PDE6B: variants seen among roughly 807,000 people sequenced by gnomAD.
The protein encoded by PDE6B is phosphodiesterase 6B, also known as rod cGMP-specific 3',5'-cyclic phosphodiesterase subunit beta.
PDE6B carries 106 observed loss-of-function variants against 109.0 expected under a neutral mutation model. The observed-to-expected ratio is 0.97, with a 90% CI of 0.83 to 1.14. PDE6B has a LOEUF of 1.14. Ranked by LOEUF, PDE6B falls within the 50% of genes most tolerant of loss-of-function variation. The pLI is 0.00. For missense variants in PDE6B, 1,193 were observed against 1,155.6 expected (o/e 1.03, Z -0.47); for synonymous variants, 490 against 471.3 (o/e 1.04, Z -0.51).
At chr4:630,879 C>T (rs1577240467) in intron 1 of PDE6B, among the ~76,000 whole-genome samples, 2 of 152,188 alleles carry the variant, frequency 1.3e-5, no homozygotes, top group African/African-American at 4.8e-5. Flanking sequence ...GTGTATCTGG[C>T]ACAGGCCTGG....
intron 12 of PDE6B, chr4:661,190 CAGAT>C (rs1318848194): frequency 2.6e-5 from 4 of 153,266 alleles, no homozygotes; most frequent in Non-Finnish European, 5.8e-5. Context: ...GGGTGGACAG[CAGAT>C]GGATGGTGAA....
rs542287229 is a variant in PDE6B at position 648,625 on chromosome 4, T to C, written c.712-5227T>C. 1.8e-3 allele frequency among the ~76,000 whole-genome samples: 272 copies of C among 152,236 alleles called. No individual in the cohort carries two copies. Among genetic ancestry groups the C allele is most frequent in the Middle Eastern group, 0.017 (5 of 294 alleles). ...CCTGCCATTCCCTTTCTGAAAAGCC[T>C]CTCGGACACTCCCATCAGAGCCAAC... is the stretch of plus-strand genomic sequence containing the variant. On this transcript the variant is annotated intron_variant, in intron 3 of 21. Coordinates refer to ENST00000496514, the MANE Select transcript of PDE6B (RefSeq NM_000283.4). The surrounding 1 kb of genome is among the most constrained non-coding windows in gnomAD (Gnocchi z 4.5).
rs1738402333 is a variant in PDE6B at position 670,546 on chromosome 4, T to C, written c.*439T>C. Reference sequence around the variant, plus strand: ...CATGAGCCACCACGCCCAGCCTGTTTTTATAAACTGAAGCCAACTGTGAAT... The same window carrying C: ...CATGAGCCACCACGCCCAGCCTGTTCTTATAAACTGAAGCCAACTGTGAAT... On this transcript the variant is annotated 3_prime_UTR_variant, in exon 22 of 22. Coordinates refer to ENST00000496514, the MANE Select transcript of PDE6B (RefSeq NM_000283.4). 3 of 219,892 alleles carry C rather than the reference T, an allele frequency of 1.4e-5. No homozygotes were observed. The South Asian group carries it at 1.8e-4, about 13-fold the overall frequency. The allele number at this position is 219,892 out of a possible 1,614,324, so 13.6% of individuals were successfully genotyped here. A position where few individuals can be genotyped will look rare whatever the true frequency, so the allele number is the denominator to read the frequency against.
intron 12 of PDE6B, chr4:661,580 G>GA (rs529940525): frequency 1.2e-3 from 187 of 155,204 alleles, no homozygotes; most frequent in Admixed American, 3.9e-3. Flanking sequence ...AATACTAAGG[G>GA]AAAACACTCA....
intron 3 of PDE6B, among the ~76,000 whole-genome samples, chr4:639,136 T>C (rs1184209608): frequency 6.6e-6 from 1 of 151,414 alleles, no homozygotes; most frequent in Non-Finnish European, 1.5e-5. Flanking sequence ...CAGTTTTGTT[T>C]TTTTGGGGGG....
chr4:628,282 C>T (rs1734216696), intron 1 of PDE6B, among the ~76,000 whole-genome samples: 1 of 152,192 alleles, frequency 6.6e-6, no homozygotes, highest in African/African-American at 2.4e-5. Flanking sequence ...GGGACTGAGG[C>T]AGAGCACACC....
chr4:654,714 G>C, intron 5 of PDE6B, 110 bp from the exon 6 acceptor site: 2 of 787,718 alleles, frequency 2.5e-6, no homozygotes, highest in Non-Finnish European at 2.3e-6. Flanking sequence ...TACGTGTGTG[G>C]GGGTGTGCAT....
At chr4:657,315 A>G (rs1736397721) in intron 9 of PDE6B, 36 bp from the exon 10 acceptor site, 1 of 1,611,634 alleles carries the variant, frequency 6.2e-7, no homozygotes, top group Non-Finnish European at 8.5e-7. Context: ...GCGCGCCGGG[A>G]GCGCTGAGCG....
intron 2 of PDE6B, 21 bp downstream of exon 2, chr4:634,850 G>A: frequency 1.2e-6 from 2 of 1,611,444 alleles, no homozygotes; most frequent in South Asian, 1.1e-5. Context: ...GGGGCACCTG[G>A]GCAGCCGCGC....
chr4:647,844 G>A (rs949022962), intron 3 of PDE6B, among the ~76,000 whole-genome samples: 25 of 152,074 alleles, frequency 1.6e-4, no homozygotes, highest in Non-Finnish European at 3.1e-4. Flanking sequence ...AGGCTGAGGC[G>A]CGCAGATCAC....
At chr4:632,785 G>T (rs1308857827) in intron 1 of PDE6B, among the ~76,000 whole-genome samples, 1 of 149,958 alleles carries the variant, frequency 6.7e-6, no homozygotes, top group Non-Finnish European at 1.5e-5. Flanking sequence ...CACGTTGTGT[G>T]GATCTGCATG....
intron 21 of PDE6B, among the ~76,000 whole-genome samples, chr4:668,476 ATGCTGCTCCCACTAC>A (rs1436082286): frequency 7.8e-3 from 1,020 of 131,574 alleles, no homozygotes; most frequent in Middle Eastern, 0.015. Flanking sequence ...CCACTACCCC[ATGCTGCTCCCACTAC>A]CCCATGCTAT....
chr4:666,680 G>T lies in PDE6B; in HGVS notation c.2352+66G>T. 1 of 1,088,176 alleles carries T rather than the reference G, an allele frequency of 9.2e-7. No homozygotes were observed. Among genetic ancestry groups the T allele is most frequent in the Admixed American group, 1.7e-5 (1 of 58,882 alleles). 67.4% of individuals were successfully genotyped at this position (1,088,176 alleles called of 1,614,324 possible). On this transcript the variant is annotated intron_variant, in intron 20 of 21. Transcript: ENST00000496514. The surrounding 1 kb of genome is among the most constrained non-coding windows in gnomAD (Gnocchi z 5.6). Reference sequence around the variant, plus strand: ...TGGCTGGGAGCAGGCAAGGGGGCGCGGGCTGGAGTCGCGTGGACTCACACG... The same window carrying T: ...TGGCTGGGAGCAGGCAAGGGGGCGCTGGCTGGAGTCGCGTGGACTCACACG...
chr4:633,596 C>T lies in PDE6B; in HGVS notation c.469-1081C>T, dbSNP rs539447487. On this transcript the variant is annotated intron_variant, in intron 1 of 21. Coordinates refer to ENST00000496514, the MANE Select transcript of PDE6B (RefSeq NM_000283.4). The surrounding 1 kb of genome is among the most constrained non-coding windows in gnomAD (Gnocchi z 4.5). ...AGATGTGAGGCGCATCCCAGGAGCTCCCATTCAGCTGGCGCAGTGGCTGAG... is the reference window on the plus strand; with the variant it reads ...AGATGTGAGGCGCATCCCAGGAGCTTCCATTCAGCTGGCGCAGTGGCTGAG... Among the ~76,000 whole-genome samples the T allele has an allele frequency of 4.3e-4, 65 of 152,308 alleles. No homozygotes were observed. The highest frequency in any genetic ancestry group is 5.9e-4 in the Non-Finnish European group (40 of 68,020).
chr4:626,266 T>C lies in PDE6B; in HGVS notation c.468+172T>C, dbSNP rs1181383421. 6.6e-6 allele frequency among the ~76,000 whole-genome samples: 1 copy of C among 152,214 alleles called. No individual in the cohort carries two copies. Among genetic ancestry groups the C allele is most frequent in the Non-Finnish European group, 1.5e-5 (1 of 68,022 alleles). ...AGAGCCCCCTCCCGGCACTGTGCCC[T>C]GGCCGCCTGCCTCTCCGACTCGGCT... On this transcript the variant is annotated intron_variant, in intron 1 of 21. Transcript: ENST00000496514. This position sits in a 1 kb window ranked among gnomAD's most constrained non-coding sequence, Gnocchi z 4.6.
In PDE6B at chr4:636,701, A is replaced by G. The variant is rs1426151486; in HGVS notation, c.711+732A>G. On this transcript the variant is annotated intron_variant, in intron 3 of 21. Coordinates refer to ENST00000496514, the MANE Select transcript of PDE6B (RefSeq NM_000283.4). The surrounding 1 kb of genome is among the most constrained non-coding windows in gnomAD (Gnocchi z 4.5). ...TCTCCGTGTCTTGTTCTGCCTGCGG[A>G]TGCTGCCTGGCCCTGGTCACCTGCT... Among the ~76,000 whole-genome samples, 1 of 152,086 alleles carries G rather than the reference A, an allele frequency of 6.6e-6. No homozygotes were observed. Among genetic ancestry groups the G allele is most frequent in the African/African-American group, 2.4e-5 (1 of 41,422 alleles).
At chr4:659,541 C>CTG (rs139464207) in intron 11 of PDE6B, among the ~76,000 whole-genome samples, 190 of 150,470 alleles carry the variant, frequency 1.3e-3, no homozygotes, top group African/African-American at 4.4e-3. Flanking sequence ...ACGTGGGCGT[C>CTG]TGCACAGGTG....
rs1000514139 is a variant in PDE6B, at chr4:666,701, A to G, written c.2352+87A>G. 1.2e-6 allele frequency: 1 copy of G among 867,746 alleles called. No homozygotes were observed. Among genetic ancestry groups the G allele is most frequent in the Admixed American group, 1.8e-5 (1 of 56,230 alleles). The allele number at this position is 867,746 out of a possible 1,614,324, so 53.8% of individuals were successfully genotyped here. A position where few individuals can be genotyped will look rare whatever the true frequency, so the allele number is the denominator to read the frequency against. ...GCGCGGGCTGGAGTCGCGTGGACTCACACGGGCCCGGCGGTGTCCTCACTG... is the reference window on the plus strand; with the variant it reads ...GCGCGGGCTGGAGTCGCGTGGACTCGCACGGGCCCGGCGGTGTCCTCACTG... On this transcript the variant is annotated intron_variant, in intron 20 of 21. Coordinates refer to ENST00000496514, the MANE Select transcript of PDE6B (RefSeq NM_000283.4). This position sits in a 1 kb window ranked among gnomAD's most constrained non-coding sequence, Gnocchi z 5.6.
In PDE6B at chr4:648,575, C is replaced by T. The variant is rs1186994287; in HGVS notation, c.712-5277C>T. ...TGGACAATCAGGAACTACCTTCTGTCCCAGGCACCCTCCAGCTGGAGGCCC... is the reference window on the plus strand; with the variant it reads ...TGGACAATCAGGAACTACCTTCTGTTCCAGGCACCCTCCAGCTGGAGGCCC... On this transcript the variant is annotated intron_variant, in intron 3 of 21. Coordinates refer to ENST00000496514, the MANE Select transcript of PDE6B (RefSeq NM_000283.4). The surrounding 1 kb of genome is among the most constrained non-coding windows in gnomAD (Gnocchi z 4.5). Among the ~76,000 whole-genome samples the T allele has an allele frequency of 6.6e-6, 1 of 152,218 alleles. No individual in the cohort carries two copies. Among genetic ancestry groups the T allele is most frequent in the Non-Finnish European group, 1.5e-5 (1 of 68,040 alleles).
Sources: gnomAD v4.1 joint callset for allele counts (sites outside exome capture counted in the v4.1 genomes callset) on GRCh38, gnomAD v4.1.1 for gene constraint, Gnocchi (gnomAD v3.1) non-coding constraint, MANE v1.5 for transcripts, NCBI Gene and HGNC (gene_info 2026-07-23, HGNC 2026-07-21) for gene names.